PIGG: variants seen among roughly 807,000 people sequenced by gnomAD.
PIGG encodes phosphatidylinositol glycan anchor biosynthesis class G (EMM blood group).
In PIGG, 70 loss-of-function variants were observed where a neutral mutation model predicts 83.2. The ratio of observed to expected loss-of-function variants is 0.84; its 90% CI spans 0.69 to 1.03. The LOEUF (loss-of-function observed/expected upper bound fraction) is 1.03. PIGG is among the 50% of genes least tolerant of loss of function. The probability of loss-of-function intolerance (pLI) is 0.00; values close to 1 mark genes in which losing one functional copy is unlikely to be tolerated. For synonymous variants in PIGG, 532 were observed against 519.5 expected, an observed-to-expected ratio of 1.02 and a Z score of -0.33; for missense variants, 1,257 against 1,233.6, an observed-to-expected ratio of 1.02 and a Z score of -0.28.
Position 500,520 on chromosome 4 carries a change from A to G in PIGG, c.279A>G (p.Thr93=), listed in dbSNP as rs1717278501. The G allele has an allele frequency of 6.2e-7, 1 of 1,613,652 alleles. No homozygotes were observed. Among genetic ancestry groups the G allele is most frequent in the Non-Finnish European group, 8.5e-7 (1 of 1,179,544 alleles). The part of the protein sequence containing the change: ...GSKGVKFMPY[T]TYLVEKGASH... ...AGGGTGTGAAATTTATGCCCTACAC[A>G]ACTTACCTTGTGGAAAAAGGAGCAT... Residue 93 remains threonine (T), a synonymous_variant, in exon 2 of 13, where the codon ACA becomes ACG. Coordinates refer to ENST00000453061, the MANE Select transcript of PIGG (RefSeq NM_001127178.3).
intron 4 of PIGG, among the ~76,000 whole-genome samples, chr4:508,436 T>C (rs1160274676): frequency 6.6e-6 from 1 of 152,242 alleles, no homozygotes; most frequent in East Asian, 1.9e-4. Flanking sequence ...CTCAGAGCTC[T>C]TGCCTTTTGC....
At chr4:522,260 G>A in intron 8 of PIGG, 1 of 571,582 alleles carries the variant, frequency 1.7e-6, no homozygotes, top group Non-Finnish European at 3.1e-6. Flanking sequence ...CCCGCTGAGG[G>A]GGTGTGTGAA....
At chr4:503,403 C>T (rs782202785) in intron 2 of PIGG, among the ~76,000 whole-genome samples, 2 of 152,220 alleles carry the variant, frequency 1.3e-5, no homozygotes, top group African/African-American at 2.4e-5. Flanking sequence ...TGCGTGGCCT[C>T]ACTCCCGTTT....
intron 6 of PIGG, among the ~76,000 whole-genome samples, chr4:520,075 A>G (rs2108928103): frequency 6.6e-6 from 1 of 152,304 alleles, no homozygotes. Context: ...CTTGTGCCAC[A>G]GCACCCTGGA....
At chr4:516,854 C>CAAAAAAA (rs1178401194) in intron 6 of PIGG, among the ~76,000 whole-genome samples, 1 of 46,510 alleles carries the variant, frequency 2.2e-5, no homozygotes, top group Non-Finnish European at 4.1e-5. Flanking sequence ...GACTCTGCCT[C>CAAAAAAA]AAAAAAAAAA....
At chr4:511,122 C>T (rs575263899) in intron 5 of PIGG, among the ~76,000 whole-genome samples, 17 of 151,960 alleles carry the variant, frequency 1.1e-4, no homozygotes, top group Middle Eastern at 3.4e-3. Context: ...GGAGAAACCC[C>T]GTCTCTACTA....
chr4:503,002 G>A (rs1373090850), intron 2 of PIGG, among the ~76,000 whole-genome samples: 6 of 151,986 alleles, frequency 3.9e-5, no homozygotes, highest in African/African-American at 1.2e-4. Flanking sequence ...GGAAGAAAGC[G>A]GAATGGCCAA....
chr4:516,030 T>C lies in PIGG; in HGVS notation c.959T>C (p.Ile320Thr). ...QQTDVAATLA[I>T]ALGLPIPKDS... ...ACGGATGTGGCTGCGACACTGGCGA[T>C]AGCACTTGGCTTACCGATTCCAAAA... The change falls in exon 6 of 13, where the codon ATA becomes ACA. Residue 320 changes from isoleucine (I) to threonine (T), a missense_variant. Transcript: ENST00000453061. 4 of 1,614,278 alleles carry C rather than the reference T, an allele frequency of 2.5e-6. No homozygotes were observed. The highest frequency in any genetic ancestry group is 3.4e-6 in the Non-Finnish European group (4 of 1,180,036).
intron 8 of PIGG, chr4:522,158 A>T (rs1726152447): frequency 3.3e-6 from 2 of 612,212 alleles, no homozygotes; most frequent in Non-Finnish European, 5.8e-6. Context: ...CTGTGCTGTC[A>T]GGTCAGATGC....
chr4:532,187 C>G (rs1310157083), intron 11 of PIGG: 2 of 152,596 alleles, frequency 1.3e-5, no homozygotes, highest in African/African-American at 2.4e-5. Flanking sequence ...GTCCCTGGGT[C>G]TCTCTGCCTC....
intron 12 of PIGG, 138 bp downstream of exon 12, chr4:534,119 AG>A: frequency 1.3e-6 from 1 of 760,328 alleles, no homozygotes; most frequent in Non-Finnish European, 2.1e-6. Flanking sequence ...TTCCTTAAAT[AG>A]GGAACGGTCC....
chr4:526,053 C>T (rs562900310), intron 9 of PIGG, among the ~76,000 whole-genome samples: 6 of 152,146 alleles, frequency 3.9e-5, no homozygotes, highest in East Asian at 4.0e-4. Flanking sequence ...CACCCCCAAC[C>T]GCATTATCCG....
intron 12 of PIGG, among the ~76,000 whole-genome samples, chr4:538,164 G>T (rs1309111197): frequency 1.4e-5 from 2 of 139,496 alleles, no homozygotes; most frequent in South Asian, 4.6e-4. Flanking sequence ...GGATCTGGGG[G>T]CTGCCTCCGG....
In PIGG at chr4:523,562, A is replaced by C; in HGVS notation, c.1718A>C (p.Glu573Ala). 6.2e-7 allele frequency: 1 copy of C among 1,614,032 alleles called. No homozygotes were observed. Among genetic ancestry groups the C allele is most frequent in the Non-Finnish European group, 8.5e-7 (1 of 1,179,922 alleles). The change falls in exon 9 of 13, where the codon GAG becomes GCG. Residue 573 changes from glutamate (E) to alanine (A), a missense_variant. By Grantham distance (107) the Glu-to-Ala change is moderately radical. Coordinates refer to ENST00000453061, the MANE Select transcript of PIGG (RefSeq NM_001127178.3). ...LSLGASSFVEEEHQTWYFLVN... is the reference protein window; with the variant it reads ...LSLGASSFVEAEHQTWYFLVN... ...CTGGGCGCCAGCAGCTTCGTGGAGG[A>C]GGAGCACCAGACCTGGTACTTCCTT...
chr4:506,223 C>G (rs782471986), intron 3 of PIGG, among the ~76,000 whole-genome samples: 2 of 152,092 alleles, frequency 1.3e-5, no homozygotes, highest in South Asian at 4.1e-4. Flanking sequence ...CTGTCTGAGC[C>G]GAGATATGAT....
chr4:534,526 T>TG (rs1577154150), intron 12 of PIGG, among the ~76,000 whole-genome samples: 2 of 152,040 alleles, frequency 1.3e-5, no homozygotes, highest in African/African-American at 2.4e-5. Context: ...AAAAACAGGG[T>TG]GGGGGGCACA....
chr4:538,817 T>TG (rs917862647), intron 12 of PIGG, among the ~76,000 whole-genome samples: 22 of 152,142 alleles, frequency 1.4e-4, no homozygotes, highest in South Asian at 4.2e-4. Context: ...AAGGTGTGTG[T>TG]GGGGGGGGAC....
chr4:504,966 G>T (rs1245960102), intron 2 of PIGG, among the ~76,000 whole-genome samples: 2 of 152,132 alleles, frequency 1.3e-5, no homozygotes, highest in African/African-American at 4.8e-5. Context: ...TCACGCTTTA[G>T]GACTGCTTTC....
chr4:530,492 G>A lies in PIGG; in HGVS notation c.2318G>A (p.Gly773Asp). Residue 773 changes from glycine (G) to aspartate (D), a missense_variant, in exon 11 of 13, where the codon GGC (glycine) becomes GAC (aspartate). Coordinates refer to ENST00000453061, the MANE Select transcript of PIGG (RefSeq NM_001127178.3). ...YVFVLGILFT[G>D]TKDLLKSQVI... ...TTTGTCCTTGGCATTCTGTTCACGG[G>A]CACCAAAGACTTACTTAAATCTCAA... 1.9e-6 allele frequency: 3 copies of A among 1,613,446 alleles called. No individual in the cohort carries two copies. Among genetic ancestry groups the A allele is most frequent in the South Asian group, 1.1e-5 (1 of 91,058 alleles).
Sources: gnomAD v4.1 joint callset for allele counts (sites outside exome capture counted in the v4.1 genomes callset) on GRCh38, gnomAD v4.1.1 for gene constraint, MANE v1.5 for transcripts, NCBI Gene and HGNC (gene_info 2026-07-23, HGNC 2026-07-21) for gene names.